Variants in FOXP2 observed in about 807,000 individuals in gnomAD.
The protein encoded by FOXP2 is forkhead box P2, also known as forkhead box protein P2.
In FOXP2, 12 loss-of-function variants were observed where a neutral mutation model predicts 115.8. That is an observed-to-expected ratio of 0.10 (90% CI 0.07 to 0.17). FOXP2 has a LOEUF of 0.17. Ranked by LOEUF, FOXP2 falls within the 10% of genes least tolerant of loss-of-function variation. The probability of loss-of-function intolerance (pLI) is 1.00; values close to 1 mark genes in which losing one functional copy is unlikely to be tolerated. For missense variants in FOXP2, 629 were observed against 843.5 expected (o/e 0.75, Z 3.15); for synonymous variants, 328 against 297.7 (o/e 1.10, Z -1.05).
At chr7:114,538,049 A>G (rs896770774) in intron 3 of FOXP2, among the ~76,000 whole-genome samples, 2 of 151,648 alleles carry the variant, frequency 1.3e-5, no homozygotes, top group African/African-American at 2.4e-5. Flanking sequence ...TGATATGTTC[A>G]TAGTGATCCA....
intron 3 of FOXP2, among the ~76,000 whole-genome samples, chr7:114,581,667 C>T (rs1801875430): frequency 6.6e-6 from 1 of 152,162 alleles, no homozygotes; most frequent in Admixed American, 6.5e-5. Flanking sequence ...TGGTGTTGTA[C>T]ATTCTATGGG....
At chr7:114,583,869 A>T (rs1442342879) in intron 3 of FOXP2, among the ~76,000 whole-genome samples, 1 of 152,214 alleles carries the variant, frequency 6.6e-6, no homozygotes, top group East Asian at 1.9e-4. Flanking sequence ...CAGCCATGCA[A>T]ATTTGTTGTA....
At chr7:114,480,691 GT>G (rs1208070121) in intron 2 of FOXP2, among the ~76,000 whole-genome samples, 9 of 150,096 alleles carry the variant, frequency 6.0e-5, no homozygotes, top group Non-Finnish European at 1.0e-4. Flanking sequence ...ATACATATGT[GT>G]GTGCATATAT....
intron 12 of FOXP2, 67 bp downstream of exon 12, chr7:114,659,499 G>T: frequency 5.7e-6 from 9 of 1,579,024 alleles, no homozygotes; most frequent in Non-Finnish European, 7.8e-6. Context: ...AGTAAGGCTT[G>T]GATGAGAAAG....
intron 1 of FOXP2, among the ~76,000 whole-genome samples, chr7:114,152,640 A>AC (rs1384997177): frequency 6.6e-6 from 1 of 152,166 alleles, no homozygotes; most frequent in Admixed American, 6.5e-5. Flanking sequence ...CAAAAAGACA[A>AC]CTGTGATTTC....
At chr7:114,329,624 G>A (rs1189993941) in intron 2 of FOXP2, among the ~76,000 whole-genome samples, 1 of 151,140 alleles carries the variant, frequency 6.6e-6, no homozygotes, top group Non-Finnish European at 1.5e-5. Flanking sequence ...GTGATACCGT[G>A]CCATTTTTCA....
chr7:114,222,831 G>A (rs1027988687), intron 1 of FOXP2, among the ~76,000 whole-genome samples: 1 of 152,160 alleles, frequency 6.6e-6, no homozygotes, highest in African/African-American at 2.4e-5. Context: ...AGGTGAGAAT[G>A]CAAGCATGAG....
At chr7:114,102,033 A>AT (rs1790982477) in intron 1 of FOXP2, among the ~76,000 whole-genome samples, 1 of 150,746 alleles carries the variant, frequency 6.6e-6, no homozygotes, top group Admixed American at 6.6e-5. Context: ...CTTAGTTAAT[A>AT]TTTTTTCCAT....
chr7:114,091,624 A>G (rs1359886083), intron 1 of FOXP2, among the ~76,000 whole-genome samples: 1 of 151,820 alleles, frequency 6.6e-6, no homozygotes, highest in African/African-American at 2.4e-5. Flanking sequence ...TTTCATCTTT[A>G]ATACATTATA....
At chr7:114,634,673 G>A (rs909979268) in intron 6 of FOXP2, among the ~76,000 whole-genome samples, 2 of 151,428 alleles carry the variant, frequency 1.3e-5, no homozygotes, top group African/African-American at 2.4e-5. Flanking sequence ...TAGAAAGGAT[G>A]GATTTATAGT....
intron 1 of FOXP2, among the ~76,000 whole-genome samples, chr7:114,260,608 T>C (rs1249964250): frequency 2.6e-5 from 4 of 152,286 alleles, no homozygotes; most frequent in Admixed American, 6.5e-5. Flanking sequence ...TTTTAGAATA[T>C]TGAAACAAAC....
intron 1 of FOXP2, among the ~76,000 whole-genome samples, chr7:114,201,127 G>A (rs963249939): frequency 7.9e-5 from 12 of 151,960 alleles, no homozygotes; most frequent in African/African-American, 9.7e-5. Context: ...TTGTACTCCC[G>A]CTTGGGCAAC....
intron 2 of FOXP2, among the ~76,000 whole-genome samples, chr7:114,395,027 A>C (rs1233596050): frequency 1.3e-5 from 2 of 152,180 alleles, no homozygotes; most frequent in South Asian, 2.1e-4. Context: ...AGAAATGTAC[A>C]CTGAAATATT....
chr7:114,259,440 G>A (rs977655697), intron 1 of FOXP2, among the ~76,000 whole-genome samples: 3 of 152,262 alleles, frequency 2.0e-5, no homozygotes, highest in South Asian at 4.1e-4. Context: ...GTGATTCTTT[G>A]ACTAGAATGA....
At chr7:114,094,228 C>T (rs1446393365) in intron 1 of FOXP2, among the ~76,000 whole-genome samples, 5 of 152,132 alleles carry the variant, frequency 3.3e-5, no homozygotes, top group African/African-American at 1.2e-4. Flanking sequence ...AACTCCAAGT[C>T]TTTAAAGTTA....
intron 4 of FOXP2, 40 bp from the exon 5 acceptor site, chr7:114,629,765 C>G (rs1473993944): frequency 6.2e-7 from 1 of 1,613,028 alleles, no homozygotes; most frequent in African/African-American, 1.3e-5. Flanking sequence ...ATACGTGAAA[C>G]TTTTGCCTTT....
chr7:114,293,539 G>A lies in FOXP2; in HGVS notation c.-11+5430G>A, dbSNP rs892931703. On this transcript the variant is annotated intron_variant, in intron 2 of 17. Coordinates refer to the FOXP2 transcript ENST00000634411. ...ATTTGAGATATGATATAATTTGGCT[G>A]TGTCAGCACCCAGATCTCATCTTGA... 1.4e-4 allele frequency among the ~76,000 whole-genome samples: 22 copies of A among 152,178 alleles called. 1 individual carries two copies. Among genetic ancestry groups the A allele is most frequent in the Admixed American group, 1.4e-3 (22 of 15,270 alleles).
At chr7:114,638,011 A>G (rs760240727) in intron 6 of FOXP2, among the ~76,000 whole-genome samples, 1 of 152,150 alleles carries the variant, frequency 6.6e-6, no homozygotes, top group African/African-American at 2.4e-5. Flanking sequence ...AATAAAACAG[A>G]GACAAAGAAA....
At chr7:114,351,948 T>C (rs375082542) in intron 2 of FOXP2, among the ~76,000 whole-genome samples, 40 of 152,258 alleles carry the variant, frequency 2.6e-4, no homozygotes, top group African/African-American at 9.4e-4. Context: ...GTTAGTTCCA[T>C]GTCTGAATCG....
Sources: gnomAD v4.1 joint callset for allele counts (sites outside exome capture counted in the v4.1 genomes callset) on GRCh38, gnomAD v4.1.1 for gene constraint, MANE v1.5 for transcripts, NCBI Gene and HGNC (gene_info 2026-07-23, HGNC 2026-07-21) for gene names.